The following PACS2 variants were observed in gnomAD, a reference collection of about 807,000 sequenced individuals.
The protein encoded by PACS2 is phosphofurin acidic cluster sorting protein 2.
A neutral mutation model predicts 113.0 loss-of-function variants in PACS2; 36 were observed. That is an observed-to-expected ratio of 0.32 (90% CI 0.24 to 0.42). The LOEUF (loss-of-function observed/expected upper bound fraction) is 0.42, where lower values mean the gene tolerates loss of function less well. Ranked by LOEUF, PACS2 falls within the 10% of genes least tolerant of loss-of-function variation. The probability of loss-of-function intolerance (pLI) is 1.00; values close to 1 mark genes in which losing one functional copy is unlikely to be tolerated. For synonymous variants in PACS2, 589 were observed against 536.1 expected (o/e 1.10, Z -1.36); for missense variants, 1,015 against 1,239.5 (o/e 0.82, Z 2.72).
intron 1 of PACS2, among the ~76,000 whole-genome samples, chr14:105,308,851 G>A (rs1389095222): frequency 6.6e-6 from 1 of 151,850 alleles, no homozygotes; most frequent in Admixed American, 6.6e-5. Flanking sequence ...GTTCACACTT[G>A]TAATCCCAGC....
At chr14:105,393,584 T>A in intron 24 of PACS2, 1 of 442,486 alleles carries the variant, frequency 2.3e-6, no homozygotes, top group Non-Finnish European at 4.0e-6. Context: ...TTGTTTGTTT[T>A]TTGTTTTGGT....
At chr14:105,379,986 C>A in intron 10 of PACS2, 94 bp from the exon 11 acceptor site, 1 of 1,338,522 alleles carries the variant, frequency 7.5e-7, no homozygotes. Flanking sequence ...GCAGGTACCC[C>A]GGGCCTCCCT....
chr14:105,348,733 C>T lies in PACS2; in HGVS notation c.207+153C>T. 1.5e-6 allele frequency: 1 copy of T among 654,808 alleles called. No homozygotes were observed. Among genetic ancestry groups the T allele is most frequent in the Non-Finnish European group, 2.7e-6 (1 of 364,398 alleles). 40.6% of individuals were successfully genotyped at this position (654,808 alleles called of 1,614,324 possible). A position where few individuals can be genotyped will look rare whatever the true frequency, so the allele number is the denominator to read the frequency against. On this transcript the variant is annotated intron_variant, in intron 2 of 24. Transcript: ENST00000447393. This position sits in a 1 kb window ranked among gnomAD's most constrained non-coding sequence, Gnocchi z 6.4. ...CGGGAGCCCGGGGGGCTGGGAATGA[C>T]AGGATGCTCCTGGGTCCAGTCCTGT...
intron 19 of PACS2, among the ~76,000 whole-genome samples, chr14:105,386,030 G>C (rs1184614659): frequency 1.3e-5 from 2 of 152,220 alleles, no homozygotes; most frequent in Non-Finnish European, 2.9e-5. Context: ...CCTGAAGCCT[G>C]CAGGTCGGCC....
upstream of PACS2, among the ~76,000 whole-genome samples, chr14:105,311,078 G>A (rs1479279134): frequency 6.6e-6 from 1 of 151,490 alleles, no homozygotes; most frequent in African/African-American, 2.4e-5. Flanking sequence ...TCAGCCTCCC[G>A]AGTAGCTGGG....
intron 11 of PACS2, among the ~76,000 whole-genome samples, chr14:105,380,605 G>T (rs371049179): frequency 6.9e-6 from 1 of 145,672 alleles, no homozygotes; most frequent in African/African-American, 2.6e-5. Context: ...CACCCCACCC[G>T]CAGGGTCAGG....
intron 1 of PACS2, among the ~76,000 whole-genome samples, chr14:105,344,873 C>T (rs1357330752): frequency 2.6e-5 from 4 of 151,912 alleles, no homozygotes; most frequent in African/African-American, 7.3e-5. Flanking sequence ...TTTGGGAGGC[C>T]GAGGTGGGTG....
chr14:105,380,305 G>A lies in PACS2; in HGVS notation c.1125+151G>A. On this transcript the variant is annotated intron_variant, in intron 11 of 24. Coordinates refer to ENST00000447393, the MANE Select transcript of PACS2 (RefSeq NM_001100913.3). ...TGGGGTCAGCCCTCAGGGGTGGCCA[G>A]GCTGCCAGATGGTCAGAGTATCCCA... 4 of 676,564 alleles carry A rather than the reference G, an allele frequency of 5.9e-6. No homozygotes were observed. In the Admixed American group the frequency reaches 1.1e-4, roughly 19 times the overall value. 41.9% of individuals were successfully genotyped at this position (676,564 alleles called of 1,614,324 possible). A position where few individuals can be genotyped will look rare whatever the true frequency, so the allele number is the denominator to read the frequency against.
At chr14:105,312,298 G>T (rs2058369543), upstream of PACS2, among the ~76,000 whole-genome samples, 2 of 152,232 alleles carry the variant, frequency 1.3e-5, no homozygotes, top group Admixed American at 1.3e-4. Context: ...TGGAATCCTA[G>T]CCAAGCATTC....
intron 1 of PACS2, among the ~76,000 whole-genome samples, chr14:105,308,481 CTTTTTTT>C (rs1227708197): frequency 8.0e-6 from 1 of 124,582 alleles, no homozygotes; most frequent in African/African-American, 3.2e-5. Flanking sequence ...CAGATTCTGT[CTTTTTTT>C]TTTTTTTTTT....
At chr14:105,310,676 AG>A (rs1313561634), upstream of PACS2, among the ~76,000 whole-genome samples, 18 of 152,138 alleles carry the variant, frequency 1.2e-4, no homozygotes, top group African/African-American at 4.1e-4. Context: ...AGCCCCAGCC[AG>A]ATGGCGCCCG....
At chr14:105,359,144 C>T (rs1452532861) in intron 4 of PACS2, among the ~76,000 whole-genome samples, 3 of 152,110 alleles carry the variant, frequency 2.0e-5, no homozygotes, top group African/African-American at 4.8e-5. Flanking sequence ...ACACGTCCAC[C>T]CCTACGCGGC....
intron 22 of PACS2, 97 bp downstream of exon 22, chr14:105,391,863 G>C: frequency 7.8e-7 from 1 of 1,286,794 alleles, no homozygotes; most frequent in Non-Finnish European, 1.1e-6. Flanking sequence ...CACCTCCCAG[G>C]GCACCTGGCC....
intron 1 of PACS2, among the ~76,000 whole-genome samples, chr14:105,335,918 G>A (rs745787501): frequency 3.0e-4 from 46 of 152,334 alleles, no homozygotes; most frequent in Admixed American, 7.2e-4. Context: ...CCATGAGGAC[G>A]GCGGTGCCCT....
chr14:105,388,739 GCCGGCAT>G (rs1555414165), intron 19 of PACS2: 1 of 152,314 alleles, frequency 6.6e-6, no homozygotes, highest in African/African-American at 2.4e-5. Flanking sequence ...ACAGCCACTT[GCCGGCAT>G]CAGACTCTGC....
chr14:105,374,086 C>T (rs1555409874), intron 8 of PACS2, among the ~76,000 whole-genome samples: 1 of 149,550 alleles, frequency 6.7e-6, no homozygotes, highest in Admixed American at 6.7e-5. Flanking sequence ...ACCTGGGAGG[C>T]AGAGGTTGCA....
intron 1 of PACS2, among the ~76,000 whole-genome samples, chr14:105,325,966 CAGCT>C (rs1396562931): frequency 6.6e-6 from 1 of 152,266 alleles, no homozygotes; most frequent in East Asian, 1.9e-4. Flanking sequence ...GACCAGTTGA[CAGCT>C]AGGATGCCAC....
chr14:105,333,325 G>A (rs1289754192), intron 1 of PACS2, among the ~76,000 whole-genome samples: 2 of 152,232 alleles, frequency 1.3e-5, no homozygotes, highest in East Asian at 3.8e-4. Context: ...GCCCCAGGCG[G>A]GGACACTACA....
upstream of PACS2, among the ~76,000 whole-genome samples, chr14:105,313,923 G>C (rs2058429808): frequency 6.6e-6 from 1 of 152,242 alleles, no homozygotes; most frequent in African/African-American, 2.4e-5. Context: ...CTTTGCTTGG[G>C]TCCCCAAGTT....
Sources: allele counts gnomAD v4.1 joint callset (sites outside exome capture counted in the v4.1 genomes callset), GRCh38; gene constraint gnomAD v4.1.1; non-coding constraint Gnocchi (gnomAD v3.1); transcripts MANE v1.5; gene names NCBI Gene and HGNC (gene_info 2026-07-23, HGNC 2026-07-21).